Variants in GLIS1 observed in about 807,000 individuals in gnomAD.
The protein encoded by GLIS1 is GLIS family zinc finger 1.
In GLIS1, 24 loss-of-function variants were observed where a neutral mutation model predicts 63.8. The observed-to-expected ratio is 0.38, with a 90% CI of 0.27 to 0.53. GLIS1 has a LOEUF of 0.53. Among genes scored for constraint, GLIS1 ranks in the 20% least tolerant of loss-of-function variants. The pLI is 0.85. For synonymous variants in GLIS1, 450 were observed against 482.5 expected, an observed-to-expected ratio of 0.93 and a Z score of 0.88; for missense variants, 1,036 against 1,074.1, an observed-to-expected ratio of 0.96 and a Z score of 0.50.
chr1:53,697,448 C>T (rs1256875944), intron 2 of GLIS1, among the ~76,000 whole-genome samples: 1 of 148,442 alleles, frequency 6.7e-6, no homozygotes, highest in Non-Finnish European at 1.5e-5. Context: ...TTCAGTGCCA[C>T]CCCCCCAAGT....
intron 2 of GLIS1, among the ~76,000 whole-genome samples, chr1:53,606,909 G>A (rs1253654151): frequency 3.3e-5 from 5 of 152,218 alleles, no homozygotes; most frequent in Non-Finnish European, 5.9e-5. Context: ...AACCTGAGCA[G>A]GCTCACCTCA....
intron 2 of GLIS1, among the ~76,000 whole-genome samples, chr1:53,647,118 T>G (rs1645855350): frequency 6.6e-6 from 1 of 152,210 alleles, no homozygotes; most frequent in Non-Finnish European, 1.5e-5. Context: ...TCCAAATTTA[T>G]CTAGAAGCTG....
chr1:53,587,130 T>C (rs1645144215), intron 4 of GLIS1, among the ~76,000 whole-genome samples: 1 of 152,100 alleles, frequency 6.6e-6, no homozygotes, highest in Non-Finnish European at 1.5e-5. Context: ...CCAAAGGATT[T>C]AAAGGACCTG....
At chr1:53,630,367 A>G (rs936096541) in intron 2 of GLIS1, among the ~76,000 whole-genome samples, 3 of 152,188 alleles carry the variant, frequency 2.0e-5, no homozygotes, top group African/African-American at 7.2e-5. Context: ...AAAACTTCCA[A>G]GGGGAGGAAT....
Position 53,718,884 on chromosome 1 carries a change from T to C in GLIS1, c.259+18922A>G, listed in dbSNP as rs1646725324. On this transcript the variant is annotated intron_variant, in intron 2 of 10. Transcript: ENST00000628545. ...TTTCTGTATAATCAAACTTCTCCCC[T>C]CCCCTCAGGCCTGCCAGGTTCAGTG... is the stretch of plus-strand genomic sequence containing the variant. 3.3e-5 allele frequency among the ~76,000 whole-genome samples: 5 copies of C among 152,260 alleles called. No homozygotes were observed. In the South Asian group the frequency reaches 1.0e-3, roughly 32 times the overall value.
At position 53,668,499 on chromosome 1, in the gene GLIS1, C is replaced by T. The variant is rs531018702; in HGVS notation, c.260-68221G>A. On this transcript the variant is annotated intron_variant, in intron 2 of 10. Coordinates refer to ENST00000628545, the MANE Select transcript of GLIS1 (RefSeq NM_001367484.1). ...GTCTCACCCTCCCATGTGGCTGAGACTATAGGTGCACGCCACCATGCCCGG... is the reference window on the plus strand; with the variant it reads ...GTCTCACCCTCCCATGTGGCTGAGATTATAGGTGCACGCCACCATGCCCGG... Among the ~76,000 whole-genome samples, 18 of 152,274 alleles carry T rather than the reference C, an allele frequency of 1.2e-4. No homozygotes were observed. In the East Asian group the frequency reaches 1.5e-3, roughly 13 times the overall value.
intron 2 of GLIS1, among the ~76,000 whole-genome samples, chr1:53,652,768 G>A (rs1372929723): frequency 6.6e-6 from 1 of 152,140 alleles, no homozygotes; most frequent in Non-Finnish European, 1.5e-5. Context: ...GTGACATAGA[G>A]GACCTGGACC....
intron 6 of GLIS1, among the ~76,000 whole-genome samples, chr1:53,521,835 A>AGGGACAGACACCC (rs1644412569): frequency 6.6e-6 from 1 of 152,208 alleles, no homozygotes; most frequent in Non-Finnish European, 1.5e-5. Context: ...AGGACACTGG[A>AGGGACAGACACCC]TGATGACTGG....
chr1:53,610,253 T>C (rs754188558), intron 2 of GLIS1, among the ~76,000 whole-genome samples: 6 of 152,212 alleles, frequency 3.9e-5, no homozygotes, highest in Non-Finnish European at 5.9e-5. Context: ...ACCAGTGCCA[T>C]AGTAATAGTT....
chr1:53,531,420 T>C (rs6673003), intron 4 of GLIS1, among the ~76,000 whole-genome samples: 21,938 of 151,664 alleles, frequency 0.14, 3,305 homozygotes, highest in East Asian at 0.5. Flanking sequence ...CTGCGGGGAG[T>C]AGGGGGAGGA....
chr1:53,514,677 T>C lies in GLIS1; in HGVS notation c.1831A>G (p.Ser611Gly). The C allele has an allele frequency of 1.2e-6, 2 of 1,613,470 alleles. No homozygotes were observed. Among genetic ancestry groups the C allele is most frequent in the Non-Finnish European group, 1.7e-6 (2 of 1,179,874 alleles). ...AGAGGGGACAGATGGTGGTGGGAAC[T>C]GGTGGTGGCATCCAGCGGGTGGTGC... ...SRHHPLDATT[S>G]SHHHLSPLPM... Residue 611 changes from serine (S) to glycine (G), a missense_variant, in exon 8 of 11, where the codon AGT (serine) becomes GGT (glycine). By Grantham distance (56) the Ser-to-Gly change is moderately conservative. This residue lies in a region of GLIS1 where 400 missense variants were observed against 400.9 expected (regional missense o/e 1.00). Transcript: ENST00000628545.
In GLIS1 at chr1:53,568,105, C is replaced by T. The variant is rs538495136; in HGVS notation, c.1320+26003G>A. Among the ~76,000 whole-genome samples the T allele has an allele frequency of 2.3e-3, 343 of 152,316 alleles. 4 individuals are homozygous for T. The highest frequency in any genetic ancestry group is 0.022 in the South Asian group (106 of 4,826). On this transcript the variant is annotated intron_variant, in intron 4 of 10. Coordinates refer to ENST00000628545, the MANE Select transcript of GLIS1 (RefSeq NM_001367484.1). ...CTCAACACCAGCTCATGAAAGCAGC[C>T]GCGGGGGCTGTACTCTGCAGAGCCA...
At chr1:53,557,854 C>G (rs1158513311) in intron 4 of GLIS1, among the ~76,000 whole-genome samples, 2 of 152,174 alleles carry the variant, frequency 1.3e-5, no homozygotes, top group African/African-American at 4.8e-5. Context: ...CTAAATAATC[C>G]TTTATCCATT....
chr1:53,535,827 C>G (rs1644575952), intron 4 of GLIS1, among the ~76,000 whole-genome samples: 1 of 152,032 alleles, frequency 6.6e-6, no homozygotes, highest in Admixed American at 6.6e-5. Context: ...TGCTCAAACC[C>G]TGCATGGTTC....
intron 4 of GLIS1, 81 bp downstream of exon 4, chr1:53,594,027 G>A: frequency 6.8e-7 from 1 of 1,460,292 alleles, no homozygotes; most frequent in South Asian, 1.4e-5. Flanking sequence ...GGAGTCCCAG[G>A]CGGCCTCTCC....
intron 2 of GLIS1, among the ~76,000 whole-genome samples, chr1:53,641,376 C>G (rs760306717): frequency 6.6e-6 from 1 of 152,212 alleles, no homozygotes; most frequent in Non-Finnish European, 1.5e-5. Flanking sequence ...TGGGAAGGAA[C>G]AGCTTTCCTA....
intron 2 of GLIS1, among the ~76,000 whole-genome samples, chr1:53,634,829 C>T (rs972389889): frequency 6.6e-6 from 1 of 152,088 alleles, no homozygotes; most frequent in East Asian, 1.9e-4. Flanking sequence ...TGGAAGCCCA[C>T]GAATAAACGC....
intron 2 of GLIS1, among the ~76,000 whole-genome samples, chr1:53,620,426 T>C (rs570787360): frequency 3.9e-5 from 6 of 152,328 alleles, no homozygotes; most frequent in Admixed American, 2.0e-4. Context: ...GCTTGCCTGC[T>C]TTTCTTCTCA....
Position 53,598,567 on chromosome 1 carries a change from C to T in GLIS1, c.437+1534G>A, listed in dbSNP as rs10159298. Among the ~76,000 whole-genome samples, 33,695 of 151,830 alleles carry T rather than the reference C, an allele frequency of 0.22. 4,034 individuals are homozygous for T. The highest frequency in any genetic ancestry group is 0.29 in the African/African-American group (12,137 of 41,390). On this transcript the variant is annotated intron_variant, in intron 3 of 10. Coordinates refer to ENST00000628545, the MANE Select transcript of GLIS1 (RefSeq NM_001367484.1). The surrounding 1 kb of genome is among the most constrained non-coding windows in gnomAD (Gnocchi z 4.6). ...AAAAAGGAGGAATTAGGGCACAGGC[C>T]GAGGGATGGCCACGTGAGTACTCAG... is the stretch of plus-strand genomic sequence containing the variant.
Sources: allele counts gnomAD v4.1 joint callset (sites outside exome capture counted in the v4.1 genomes callset), GRCh38; gene constraint gnomAD v4.1.1; regional missense constraint gnomAD v4.1.1; non-coding constraint Gnocchi (gnomAD v3.1); transcripts MANE v1.5; gene names NCBI Gene and HGNC (gene_info 2026-07-23, HGNC 2026-07-21).